The following ARSK variants were observed in gnomAD, a reference collection of about 807,000 sequenced individuals.
ARSK encodes the protein arylsulfatase K.
A neutral mutation model predicts 53.2 loss-of-function variants in ARSK; 37 were observed. The observed-to-expected ratio is 0.70, with a 90% confidence interval of 0.54 to 0.92. The LOEUF (loss-of-function observed/expected upper bound fraction) is 0.92. Ranked by LOEUF, ARSK falls within the 40% of genes least tolerant of loss-of-function variation. ARSK has a pLI of 0.00. For missense variants in ARSK, 613 were observed against 643.0 expected, an observed-to-expected ratio of 0.95 and a Z score of 0.51; for synonymous variants, 208 against 223.2, an observed-to-expected ratio of 0.93 and a Z score of 0.61.
Position 95,604,642 on chromosome 5 carries a change from G to T in ARSK, c.*1116G>T, listed in dbSNP as rs1749469751. 1.3e-5 allele frequency: 2 copies of T among 151,564 alleles called. No individual in the cohort carries two copies. Among genetic ancestry groups the T allele is most frequent in the East Asian group, 3.9e-4 (2 of 5,164 alleles). 9.4% of individuals were successfully genotyped at this position (151,564 alleles called of 1,614,324 possible). A position where few individuals can be genotyped will look rare whatever the true frequency, so the allele number is the denominator to read the frequency against. On this transcript the variant is annotated 3_prime_UTR_variant, in exon 8 of 8. Coordinates refer to ENST00000380009, the MANE Select transcript of ARSK (RefSeq NM_198150.3). Reference sequence around the variant, plus strand: ...GATACTACAAATTACCTCTAAAGAAGGTATACTAACTGATAATCTCACCAT... The same window carrying T: ...GATACTACAAATTACCTCTAAAGAATGTATACTAACTGATAATCTCACCAT...
Position 95,603,218 on chromosome 5 carries a change from C to T in ARSK, c.1322-19C>T. On this transcript the variant is annotated intron_variant, in intron 7 of 7. Coordinates refer to ENST00000380009, the MANE Select transcript of ARSK (RefSeq NM_198150.3). ...TAGCAGGTCACTATTTTGACAGATA[C>T]TTATTTTTTTTCTTTCAGATCTTTC... is the stretch of plus-strand genomic sequence containing the variant. 3.3e-6 allele frequency: 5 copies of T among 1,519,000 alleles called. No homozygotes were observed. The highest frequency in any genetic ancestry group is 4.4e-6 in the Non-Finnish European group (5 of 1,136,234). The allele number at this position is 1,519,000 out of a possible 1,614,324, so 94.1% of individuals were successfully genotyped here.
At chr5:95,580,716 T>C (rs1222804377) in intron 3 of ARSK, among the ~76,000 whole-genome samples, 2 of 152,166 alleles carry the variant, frequency 1.3e-5, no homozygotes, top group Admixed American at 6.5e-5. Context: ...GCCCAGGAAG[T>C]AGTGAAAGTA....
Position 95,591,591 on chromosome 5 carries a change from G to T in ARSK, c.1062G>T (p.Val354=), listed in dbSNP as rs112492842. 5.3e-4 allele frequency: 853 copies of T among 1,614,074 alleles called. 6 individuals carry two copies. In the African/African-American group the frequency reaches 9.3e-3, roughly 18 times the overall value. ...GIKAGLQVSN[V]VSLVDIYPTM... is the part of the protein sequence containing the mutation. ...AAGCCGGCCTACAAGTATCAAATGTGGTTTCTCTTGTGGATATTTACCCTA... is the reference window on the plus strand; with the variant it reads ...AAGCCGGCCTACAAGTATCAAATGTTGTTTCTCTTGTGGATATTTACCCTA... Residue 354 remains valine (V), a synonymous_variant, in exon 6 of 8, where the codon GTG becomes GTT. Coordinates refer to ENST00000380009, the MANE Select transcript of ARSK (RefSeq NM_198150.3).
chr5:95,587,571 C>T (rs1394131369), intron 5 of ARSK, among the ~76,000 whole-genome samples: 1 of 151,964 alleles, frequency 6.6e-6, no homozygotes, highest in Non-Finnish European at 1.5e-5. Flanking sequence ...AGCAAAAAGG[C>T]CATATGGACA....
chr5:95,564,554 G>T (rs1030317671), intron 1 of ARSK, among the ~76,000 whole-genome samples: 3 of 151,946 alleles, frequency 2.0e-5, no homozygotes, highest in Middle Eastern at 6.8e-3. Flanking sequence ...TCACTTTCCT[G>T]CCTCCCATTC....
Position 95,568,124 on chromosome 5 carries a change from A to AT in ARSK, c.416+82dup. On this transcript the variant is annotated intron_variant, in intron 3 of 7. Coordinates refer to ENST00000380009, the MANE Select transcript of ARSK (RefSeq NM_198150.3). ...TGTACATGTACTCTTTTTGACTTTA[A>AT]TTTTTTTATTTTTCCACAAAGGTGA... 15 of 1,399,832 alleles carry AT rather than the reference A, an allele frequency of 1.1e-5. No homozygotes were observed. The African/African-American group carries it at 1.4e-4, about 14-fold the overall frequency. The allele number at this position is 1,399,832 out of a possible 1,614,324, so 86.7% of individuals were successfully genotyped here.
intron 6 of ARSK, among the ~76,000 whole-genome samples, chr5:95,593,812 T>C (rs1749256832): frequency 6.6e-6 from 1 of 151,566 alleles, no homozygotes; most frequent in African/African-American, 2.4e-5. Context: ...ACCTGTAGGT[T>C]TTTTTCCTGC....
At chr5:95,560,473 G>GTTAT (rs1748609634) in intron 1 of ARSK, among the ~76,000 whole-genome samples, 1 of 152,154 alleles carries the variant, frequency 6.6e-6, no homozygotes, top group South Asian at 2.1e-4. Context: ...AATGTAGTAT[G>GTTAT]TTATTGGCTT....
chr5:95,597,961 T>G (rs1242898702), intron 6 of ARSK, among the ~76,000 whole-genome samples: 1 of 151,886 alleles, frequency 6.6e-6, no homozygotes, highest in Non-Finnish European at 1.5e-5. Flanking sequence ...TGGAACATGG[T>G]GAACAATTAA....
chr5:95,563,415 C>G (rs1011502104), intron 1 of ARSK, among the ~76,000 whole-genome samples: 2 of 152,162 alleles, frequency 1.3e-5, no homozygotes, highest in Non-Finnish European at 2.9e-5. Context: ...TATTTGCATA[C>G]CGCTCACTGC....
At chr5:95,556,368 G>A in intron 1 of ARSK, 1 of 638,604 alleles carries the variant, frequency 1.6e-6, no homozygotes, top group South Asian at 1.8e-5. Context: ...AAAGGCAAAT[G>A]AAGGAAGCAG....
At chr5:95,585,249 A>G (rs1249033389) in intron 4 of ARSK, among the ~76,000 whole-genome samples, 1 of 152,216 alleles carries the variant, frequency 6.6e-6, no homozygotes, top group Admixed American at 6.5e-5. Context: ...TACAACCACG[A>G]TGGAAAACAG....
At chr5:95,572,479 A>G (rs112580050) in intron 3 of ARSK, among the ~76,000 whole-genome samples, 2 of 152,160 alleles carry the variant, frequency 1.3e-5, no homozygotes, top group African/African-American at 4.8e-5. Flanking sequence ...CTTCTTATCA[A>G]TTGAAAGAAA....
intron 6 of ARSK, among the ~76,000 whole-genome samples, chr5:95,599,215 T>A (rs960516582): frequency 6.6e-6 from 1 of 152,224 alleles, no homozygotes; most frequent in African/African-American, 2.4e-5. Flanking sequence ...TAATGACTTC[T>A]CATAAACACA....
chr5:95,563,593 C>T (rs1748676668), intron 1 of ARSK, among the ~76,000 whole-genome samples: 1 of 152,166 alleles, frequency 6.6e-6, no homozygotes, highest in Non-Finnish European at 1.5e-5. Flanking sequence ...GATAATGTCC[C>T]TGTACTAGTC....
intron 3 of ARSK, among the ~76,000 whole-genome samples, chr5:95,574,488 C>G (rs749582015): frequency 6.6e-6 from 1 of 152,180 alleles, no homozygotes; most frequent in African/African-American, 2.4e-5. Flanking sequence ...TCCCTTTGCT[C>G]CATATCCTCG....
At chr5:95,583,970 G>A (rs766902121) in intron 4 of ARSK, among the ~76,000 whole-genome samples, 13 of 152,092 alleles carry the variant, frequency 8.5e-5, no homozygotes, top group Non-Finnish European at 1.6e-4. Flanking sequence ...ATTTATGCTC[G>A]TAAATGTGCC....
chr5:95,603,529 A>G lies in ARSK; in HGVS notation c.*3A>G, dbSNP rs1052988673. The stretch of plus-strand genomic sequence containing the variant: ...ATATGAATCCAAGAGCAGTTTGAAC[A>G]AAAAGTTTAAAAATAGTGTTCTAGA... On this transcript the variant is annotated 3_prime_UTR_variant, in exon 8 of 8. Transcript: ENST00000380009. The G allele has an allele frequency of 3.8e-6, 6 of 1,579,390 alleles. No individual in the cohort carries two copies. The highest frequency in any genetic ancestry group is 5.1e-6 in the Non-Finnish European group (6 of 1,166,302).
intron 2 of ARSK, among the ~76,000 whole-genome samples, chr5:95,567,416 C>T (rs1392590271): frequency 6.6e-6 from 1 of 152,124 alleles, no homozygotes; most frequent in Non-Finnish European, 1.5e-5. Context: ...AATAAACAAT[C>T]ATAGTTGTAG....
Sources: gnomAD v4.1 joint callset for allele counts (sites outside exome capture counted in the v4.1 genomes callset) on GRCh38, gnomAD v4.1.1 for gene constraint, MANE v1.5 for transcripts, NCBI Gene and HGNC (gene_info 2026-07-23, HGNC 2026-07-21) for gene names.